The following CUL9 variants were observed in gnomAD, a reference collection of about 807,000 sequenced individuals.
CUL9 encodes cullin-9.
Under a neutral mutation model 272.6 loss-of-function variants are expected in CUL9, and 79 were observed. The observed-to-expected ratio is 0.29, with a 90% confidence interval of 0.24 to 0.35. The LOEUF (loss-of-function observed/expected upper bound fraction) is 0.35. Ranked by LOEUF, CUL9 falls within the 10% of genes least tolerant of loss-of-function variation. The pLI is 1.00. For missense variants in CUL9, 2,532 were observed against 3,255.6 expected (o/e 0.78, Z 5.41); for synonymous variants, 1,186 against 1,286.5 (o/e 0.92, Z 1.67).
At chr6:43,196,322 C>T (rs1347878795) in intron 10 of CUL9, 57 bp downstream of exon 10, 2 of 1,506,710 alleles carry the variant, frequency 1.3e-6, no homozygotes, top group African/African-American at 2.8e-5. Flanking sequence ...CCCTGCTACT[C>T]CTGTGCTCCA....
At chr6:43,211,819 T>G (rs1775527518) in intron 26 of CUL9, among the ~76,000 whole-genome samples, 1 of 152,138 alleles carries the variant, frequency 6.6e-6, no homozygotes, top group African/African-American at 2.4e-5. Flanking sequence ...AAAAGGATAC[T>G]ACAGTTATCA....
At chr6:43,215,372 C>T (rs1775852919) in intron 30 of CUL9, 46 bp downstream of exon 30, 1 of 1,545,606 alleles carries the variant, frequency 6.5e-7, no homozygotes, top group African/African-American at 1.4e-5. Flanking sequence ...GAGAGGTGGT[C>T]ATGCCAAAGC....
In CUL9 at chr6:43,184,059, C is replaced by G. The variant is rs920827766; in HGVS notation, c.-9-243C>G. On this transcript the variant is annotated intron_variant, in intron 1 of 40. Transcript: ENST00000252050. This position sits in a 1 kb window ranked among gnomAD's most constrained non-coding sequence, Gnocchi z 4.8. ...AGCCACTGGGCGCAGCCAACTCTTC[C>G]ATTTCTTAAACCCCTTCTTCATCCC... 4.6e-5 allele frequency among the ~76,000 whole-genome samples: 7 copies of G among 152,204 alleles called. No homozygotes were observed. Among genetic ancestry groups the G allele is most frequent in the Admixed American group, 4.6e-4 (7 of 15,282 alleles).
Position 43,213,435 on chromosome 6 carries a change from C to T in CUL9, c.5359-3C>T, listed in dbSNP as rs759640576. 1.7e-5 allele frequency: 28 copies of T among 1,614,056 alleles called. No individual in the cohort carries two copies. In the South Asian group the frequency reaches 2.4e-4, roughly 14 times the overall value. ...CTCCTGACTGGGCGTTTCTGCTCAT[C>T]AGGAGGTGTCAGTAGAGACCTTGCT... is the stretch of plus-strand genomic sequence containing the variant. On this transcript the variant is annotated splice_region_variant and splice_polypyrimidine_tract_variant and intron_variant, in intron 27 of 40. Transcript: ENST00000252050. This position sits in a 1 kb window ranked among gnomAD's most constrained non-coding sequence, Gnocchi z 5.7.
chr6:43,223,292 G>A lies in CUL9; in HGVS notation c.7179G>A (p.Leu2393=). The change falls in exon 39 of 41, where the codon CTG becomes CTA. Residue 2393 remains leucine, a synonymous_variant. Coordinates refer to ENST00000252050, the MANE Select transcript of CUL9 (RefSeq NM_015089.4). The surrounding 1 kb of genome is among the most constrained non-coding windows in gnomAD (Gnocchi z 4.1). ...LEETLLRCRD[L]ASSLRLLRAD... ...AAACCCTGCTGCGGTGCAGAGACCT[G>A]GCCTCCTCCCTGCGCCTCCTGCGGG... 1 of 1,600,094 alleles carries A rather than the reference G, an allele frequency of 6.2e-7. No homozygotes were observed. The highest frequency in any genetic ancestry group is 2.3e-5 in the East Asian group (1 of 44,390).
chr6:43,211,292 T>C (rs1005723610), intron 26 of CUL9, among the ~76,000 whole-genome samples: 1 of 152,236 alleles, frequency 6.6e-6, no homozygotes, highest in Non-Finnish European at 1.5e-5. Context: ...CCACGGTGGC[T>C]CATGCCTGTA....
At position 43,206,187 on chromosome 6, in the gene CUL9, G is replaced by A; in HGVS notation, c.4974G>A (p.Leu1658=). Residue 1658 remains leucine, a synonymous_variant, in exon 25 of 41, where the codon TTG becomes TTA. Coordinates refer to ENST00000252050, the MANE Select transcript of CUL9 (RefSeq NM_015089.4). This position sits in a 1 kb window ranked among gnomAD's most constrained non-coding sequence, Gnocchi z 4.8. ...HLFQLQRLDK[L]FLEQEDEEEK... is the part of the protein sequence containing the mutation. ...TCCAGCTCCAGCGGCTCGACAAGTTGTTCTTGGAGCAGGAAGATGAGGAGG... is the reference window on the plus strand; with the variant it reads ...TCCAGCTCCAGCGGCTCGACAAGTTATTCTTGGAGCAGGAAGATGAGGAGG... 12 of 1,613,214 alleles carry A rather than the reference G, an allele frequency of 7.4e-6. No individual in the cohort carries two copies. Among genetic ancestry groups the A allele is most frequent in the Non-Finnish European group, 1.0e-5 (12 of 1,179,656 alleles).
At chr6:43,205,563 G>T in intron 24 of CUL9, 140 bp downstream of exon 24, 1 of 953,478 alleles carries the variant, frequency 1.0e-6, no homozygotes, top group African/African-American at 1.6e-5. Flanking sequence ...AGGCGCGGTG[G>T]CTCACGCATG....
intron 31 of CUL9, among the ~76,000 whole-genome samples, chr6:43,219,444 G>A (rs949111842): frequency 6.6e-6 from 1 of 152,224 alleles, no homozygotes; most frequent in African/African-American, 2.4e-5. Flanking sequence ...TGGTGTGCCT[G>A]TAAGAATAGG....
chr6:43,190,529 AAGT>A (rs1773368618), intron 8 of CUL9, among the ~76,000 whole-genome samples: 1 of 152,284 alleles, frequency 6.6e-6, no homozygotes, highest in Admixed American at 6.5e-5. Flanking sequence ...GATCATATTC[AAGT>A]GAGATTGACA....
chr6:43,195,990 T>C, intron 9 of CUL9, 79 bp from the exon 10 acceptor site: 1 of 1,274,862 alleles, frequency 7.8e-7, no homozygotes, highest in East Asian at 2.3e-5. Flanking sequence ...GCCCCAAAGT[T>C]TGAGGTCTAG....
At chr6:43,192,116 C>T (rs1236014477) in intron 8 of CUL9, among the ~76,000 whole-genome samples, 1 of 138,512 alleles carries the variant, frequency 7.2e-6, no homozygotes, top group Non-Finnish European at 1.5e-5. Context: ...GGCTGGAGTG[C>T]AGTGGCATGA....
At position 43,199,450 on chromosome 6, in the gene CUL9, C is replaced by A; in HGVS notation, c.3156+79C>A. 2 of 1,096,946 alleles carry A rather than the reference C, an allele frequency of 1.8e-6. No homozygotes were observed. The highest frequency in any genetic ancestry group is 1.7e-5 in the Admixed American group (1 of 57,918). 68.0% of individuals were successfully genotyped at this position (1,096,946 alleles called of 1,614,324 possible). On this transcript the variant is annotated intron_variant, in intron 13 of 40. Coordinates refer to ENST00000252050, the MANE Select transcript of CUL9 (RefSeq NM_015089.4). This position sits in a 1 kb window ranked among gnomAD's most constrained non-coding sequence, Gnocchi z 4.4. ...ACTCCTTGTGAGGCTCTGGAGGGCA[C>A]AGCAGAGCCTTTCTGAATGGATCTT... is the stretch of plus-strand genomic sequence containing the variant.
chr6:43,182,340 G>C (rs1772456319), intron 1 of CUL9, 91 bp downstream of exon 1: 1 of 152,380 alleles, frequency 6.6e-6, no homozygotes, highest in African/African-American at 2.4e-5. Context: ...CTGACGAAGG[G>C]AACCAGGTCT....
chr6:43,221,139 C>T lies in CUL9; in HGVS notation c.6589-19C>T, dbSNP rs1227598942. The T allele has an allele frequency of 6.2e-7, 1 of 1,608,702 alleles. No individual in the cohort carries two copies. On this transcript the variant is annotated intron_variant, in intron 33 of 40. Coordinates refer to ENST00000252050, the MANE Select transcript of CUL9 (RefSeq NM_015089.4). This position sits in a 1 kb window ranked among gnomAD's most constrained non-coding sequence, Gnocchi z 4.2. The stretch of plus-strand genomic sequence containing the variant: ...CCCTCACGGCTCAGCTGTGTCCCCA[C>T]CATGCCCTCTTGCCTTAGGCACACT...
In CUL9 at chr6:43,199,340, A is replaced by C. The variant is rs1056414814; in HGVS notation, c.3125A>C (p.Asn1042Thr). The part of the protein sequence containing the change: ...PWHEVLEPCL[N>T]CLSGPSSDSE... ...CACGAGGTCTTGGAGCCCTGCCTCA[A>C]CTGCCTGAGTGGCCCTAGCAGTGAC... is the stretch of plus-strand genomic sequence containing the variant. Residue 1042 changes from asparagine to threonine, a missense_variant, in exon 13 of 41, where the codon AAC becomes ACC. This residue lies in a region of CUL9 where 2,218 missense variants were observed against 2,788.6 expected (regional missense o/e 0.80). Coordinates refer to ENST00000252050, the MANE Select transcript of CUL9 (RefSeq NM_015089.4). The surrounding 1 kb of genome is among the most constrained non-coding windows in gnomAD (Gnocchi z 4.4). The C allele has an allele frequency of 6.2e-6, 10 of 1,613,282 alleles. No homozygotes were observed. In the Admixed American group the frequency reaches 1.7e-4, roughly 27 times the overall value.
At position 43,224,510 on chromosome 6, in the gene CUL9, C is replaced by T. The variant is rs1324928413; in HGVS notation, c.*65C>T. 1.3e-5 allele frequency: 20 copies of T among 1,486,242 alleles called. No individual in the cohort carries two copies. In the Admixed American group the frequency reaches 4.1e-4, roughly 30 times the overall value. The allele number at this position is 1,486,242 out of a possible 1,614,324, so 92.1% of individuals were successfully genotyped here. A position where few individuals can be genotyped will look rare whatever the true frequency, so the allele number is the denominator to read the frequency against. On this transcript the variant is annotated 3_prime_UTR_variant, in exon 41 of 41. Transcript: ENST00000252050. This position sits in a 1 kb window ranked among gnomAD's most constrained non-coding sequence, Gnocchi z 4.2. ...CACGGGGCTGAGGGGGCGGGAGCTG[C>T]CCCTGTCATAGGGAGGGGGATTCCC...
chr6:43,184,239 A>T lies in CUL9; in HGVS notation c.-9-63A>T. On this transcript the variant is annotated intron_variant, in intron 1 of 40. Transcript: ENST00000252050. The surrounding 1 kb of genome is among the most constrained non-coding windows in gnomAD (Gnocchi z 4.8). ...CACCTTCTCTGTGTCTCAAGATTCC[A>T]CCCCCTCCATGTATTTTTTTTCTTT... The T allele has an allele frequency of 8.0e-7, 1 of 1,249,842 alleles. No homozygotes were observed. The highest frequency in any genetic ancestry group is 1.1e-6 in the Non-Finnish European group (1 of 939,786). The allele number at this position is 1,249,842 out of a possible 1,614,324, so 77.4% of individuals were successfully genotyped here. A position where few individuals can be genotyped will look rare whatever the true frequency, so the allele number is the denominator to read the frequency against.
rs879021385 is a variant in CUL9 at position 43,204,732 on chromosome 6, C to G, written c.4340-16C>G. On this transcript the variant is annotated splice_polypyrimidine_tract_variant and intron_variant, in intron 21 of 40. Transcript: ENST00000252050. ...GGCTGAGATGAAACCCCTTCCTTCT[C>G]CCTCTGTCTCTACAGTCAGCAAGAA... 6.2e-7 allele frequency: 1 copy of G among 1,613,226 alleles called. No homozygotes were observed. The highest frequency in any genetic ancestry group is 1.1e-5 in the South Asian group (1 of 90,948).
Sources: gnomAD v4.1 joint callset for allele counts (sites outside exome capture counted in the v4.1 genomes callset) on GRCh38, gnomAD v4.1.1 for gene constraint, gnomAD v4.1.1 regional missense constraint, Gnocchi (gnomAD v3.1) non-coding constraint, MANE v1.5 for transcripts, NCBI Gene and HGNC (gene_info 2026-07-23, HGNC 2026-07-21) for gene names.